Variants in XIRP2 observed in about 807,000 individuals in gnomAD.
XIRP2 encodes the protein xin actin-binding repeat-containing protein 2.
In XIRP2, 236 loss-of-function variants were observed where a neutral mutation model predicts 277.0. The observed-to-expected ratio is 0.85, with a 90% CI of 0.77 to 0.95. XIRP2 has a LOEUF of 0.95. Ranked by LOEUF, XIRP2 falls within the 40% of genes least tolerant of loss-of-function variation. The pLI is 0.00. For missense variants in XIRP2, 4,640 were observed against 4,157.5 expected, an observed-to-expected ratio of 1.12 and a Z score of -3.19; for synonymous variants, 1,490 against 1,416.5, an observed-to-expected ratio of 1.05 and a Z score of -1.17.
intron 2 of XIRP2, among the ~76,000 whole-genome samples, chr2:167,001,595 G>T (rs768687820): frequency 6.6e-6 from 1 of 152,106 alleles, no homozygotes; most frequent in Non-Finnish European, 1.5e-5. Flanking sequence ...ATCAATCAAT[G>T]AAATTCTTAT....
At chr2:167,201,366 G>GAAAGAAC in intron 3 of XIRP2, among the ~76,000 whole-genome samples, 1 of 140,000 alleles carries the variant, frequency 7.1e-6, no homozygotes, top group African/African-American at 2.8e-5. Context: ...GGAAGGAAGG[G>GAAAGAAC]GAAGGAAGGG....
rs1470707787 is a variant in XIRP2 at position 167,248,119 on chromosome 2, G to C, written c.6727G>C (p.Glu2243Gln). Residue 2243 changes from glutamate to glutamine, a missense_variant, in exon 9 of 11, where the codon GAG (glutamate) becomes CAG (glutamine). Coordinates refer to ENST00000409195, the MANE Select transcript of XIRP2 (RefSeq NM_152381.6). ...ATTTAAGGCAACCAACAAAAAGCGG[G>C]AGACTGATGTTCACTTGAAAAGCCA... is the stretch of plus-strand genomic sequence containing the variant. ...NTFKATNKKR[E>Q]TDVHLKSQDF... The C allele has an allele frequency of 6.2e-7, 1 of 1,613,254 alleles. No individual in the cohort carries two copies. The highest frequency in any genetic ancestry group is 2.2e-5 in the East Asian group (1 of 44,824).
chr2:167,195,046 C>A (rs973565701), intron 3 of XIRP2, among the ~76,000 whole-genome samples: 9 of 152,070 alleles, frequency 5.9e-5, no homozygotes, highest in Non-Finnish European at 8.8e-5. Context: ...ACACTAAAAA[C>A]CGTTTAAGAG....
intron 3 of XIRP2, among the ~76,000 whole-genome samples, chr2:167,188,279 A>G (rs1210791836): frequency 6.6e-6 from 1 of 152,138 alleles, no homozygotes; most frequent in South Asian, 2.1e-4. Flanking sequence ...CGGGCCTTAA[A>G]TGTTTAGATG....
At chr2:166,961,444 A>G (rs1449892244) in intron 2 of XIRP2, among the ~76,000 whole-genome samples, 4 of 151,790 alleles carry the variant, frequency 2.6e-5, no homozygotes, top group Non-Finnish European at 1.5e-5. Context: ...AAAAAAGTAA[A>G]AAAAGAATAA....
intron 2 of XIRP2, among the ~76,000 whole-genome samples, chr2:167,128,566 A>G (rs954219145): frequency 2.0e-5 from 3 of 152,100 alleles, no homozygotes; most frequent in African/African-American, 4.8e-5. Context: ...CCTGGAGCCA[A>G]TCCCCCCTTG....
intron 2 of XIRP2, among the ~76,000 whole-genome samples, chr2:166,922,937 ATCT>A (rs1429301111): frequency 6.6e-6 from 1 of 151,280 alleles, no homozygotes; most frequent in East Asian, 1.9e-4. Flanking sequence ...GAATTATCCT[ATCT>A]TCTTTATTAT....
At chr2:167,210,053 C>G (rs1184208332) in intron 3 of XIRP2, among the ~76,000 whole-genome samples, 1 of 152,060 alleles carries the variant, frequency 6.6e-6, no homozygotes, top group East Asian at 1.9e-4. Flanking sequence ...ATATCAGGCT[C>G]TCTGAAATGG....
chr2:166,986,549 A>G (rs1310695384), intron 2 of XIRP2, among the ~76,000 whole-genome samples: 1 of 152,246 alleles, frequency 6.6e-6, no homozygotes, highest in African/African-American at 2.4e-5. Context: ...GCACCAAACC[A>G]GTTATTATCT....
chr2:166,905,344 C>T (rs1293449532), intron 2 of XIRP2, among the ~76,000 whole-genome samples: 1 of 151,752 alleles, frequency 6.6e-6, no homozygotes, highest in South Asian at 2.1e-4. Context: ...TAGAAAAAGT[C>T]GTCTATATAA....
chr2:166,980,811 A>AT (rs958047965), intron 2 of XIRP2, among the ~76,000 whole-genome samples: 26 of 150,572 alleles, frequency 1.7e-4, no homozygotes, highest in East Asian at 3.9e-4. Context: ...TATTTGTCTC[A>AT]TTTTTTTTTC....
chr2:167,123,539 G>A (rs1442446109), intron 2 of XIRP2, among the ~76,000 whole-genome samples: 2 of 152,094 alleles, frequency 1.3e-5, no homozygotes, highest in Non-Finnish European at 1.5e-5. Flanking sequence ...CAGTTTTAGA[G>A]GTTAGAAGTC....
Position 167,189,261 on chromosome 2 carries a change from C to G in XIRP2, c.563-21474C>G, listed in dbSNP as rs186070273. On this transcript the variant is annotated intron_variant, in intron 3 of 10. Transcript: ENST00000409195. ...TCTCTCTCTTTCTCTCTCTTGTGCT[C>G]TCTCTCTCACACACACACATACACA... Among the ~76,000 whole-genome samples, 3 of 152,224 alleles carry G rather than the reference C, an allele frequency of 2.0e-5. No individual in the cohort carries two copies. In the East Asian group the frequency reaches 5.8e-4, roughly 29 times the overall value.
At chr2:167,098,752 T>C (rs1690399347) in intron 2 of XIRP2, among the ~76,000 whole-genome samples, 1 of 152,190 alleles carries the variant, frequency 6.6e-6, no homozygotes. Flanking sequence ...TTGTTGGTGG[T>C]GATGCTATTG....
intron 1 of XIRP2, among the ~76,000 whole-genome samples, chr2:166,901,562 T>C (rs1684388188): frequency 6.6e-6 from 1 of 152,092 alleles, no homozygotes; most frequent in African/African-American, 2.4e-5. Context: ...CAACTATGTG[T>C]GGTTGGCTCC....
intron 2 of XIRP2, among the ~76,000 whole-genome samples, chr2:167,046,667 A>G (rs1002979174): frequency 6.6e-6 from 1 of 152,040 alleles, no homozygotes; most frequent in Non-Finnish European, 1.5e-5. Context: ...ATGACTTGAC[A>G]TGGGAACAGC....
chr2:167,218,103 G>C, intron 4 of XIRP2, 63 bp from the exon 5 acceptor site: 1 of 1,328,976 alleles, frequency 7.5e-7, no homozygotes. Flanking sequence ...TTTTAAAATA[G>C]CTTCAGAATC....
chr2:167,020,826 C>T (rs1239697958), intron 2 of XIRP2, among the ~76,000 whole-genome samples: 2 of 151,952 alleles, frequency 1.3e-5, no homozygotes, highest in Admixed American at 6.6e-5. Flanking sequence ...TGATCATTCC[C>T]TCCTCTGATC....
chr2:166,932,703 T>A (rs183317382), intron 2 of XIRP2, among the ~76,000 whole-genome samples: 14 of 152,310 alleles, frequency 9.2e-5, no homozygotes, highest in African/African-American at 3.1e-4. Flanking sequence ...CAATTTAAAC[T>A]TTTTGTGTGT....
Sources: allele counts gnomAD v4.1 joint callset (sites outside exome capture counted in the v4.1 genomes callset), GRCh38; gene constraint gnomAD v4.1.1; transcripts MANE v1.5; gene names NCBI Gene and HGNC (gene_info 2026-07-23, HGNC 2026-07-21).